The following NAV2 variants were observed in gnomAD, a reference collection of about 807,000 sequenced individuals.
The protein encoded by NAV2 is neuron navigator 2, also known as helicase, APC down-regulated 1.
Under a neutral mutation model 223.2 loss-of-function variants are expected in NAV2, and 54 were observed. The observed-to-expected ratio is 0.24, with a 90% CI of 0.19 to 0.30. The LOEUF is 0.30. NAV2 is among the 10% of genes least tolerant of loss of function. NAV2 has a pLI of 1.00. For synonymous variants in NAV2, 1,279 were observed against 1,239.3 expected, an observed-to-expected ratio of 1.03 and a Z score of -0.67; for missense variants, 2,806 against 3,147.5, an observed-to-expected ratio of 0.89 and a Z score of 2.60.
intron 1 of NAV2, among the ~76,000 whole-genome samples, chr11:19,634,613 C>T (rs1174990094): frequency 6.6e-6 from 1 of 152,178 alleles, no homozygotes; most frequent in Non-Finnish European, 1.5e-5. Flanking sequence ...AACTGCTACT[C>T]TTGGAAGGGA....
chr11:19,488,883 A>C (rs1376121347), intron 1 of NAV2, among the ~76,000 whole-genome samples: 1 of 152,180 alleles, frequency 6.6e-6, no homozygotes, highest in Non-Finnish European at 1.5e-5. Context: ...ATGCCTACTG[A>C]CAGGTCTTCC....
chr11:19,955,684 T>A (rs935715066), intron 10 of NAV2, among the ~76,000 whole-genome samples: 8 of 152,138 alleles, frequency 5.3e-5, no homozygotes, highest in African/African-American at 1.9e-4. Context: ...GGGACAAATG[T>A]GTGAGGTATT....
At chr11:20,115,526 G>A (rs2062990419) in intron 37 of NAV2, among the ~76,000 whole-genome samples, 1 of 150,992 alleles carries the variant, frequency 6.6e-6, no homozygotes, top group African/African-American at 2.4e-5. Context: ...CAGCTACTCG[G>A]GAGGCTGAGG....
At chr11:20,094,526 C>G (rs559254806) in intron 29 of NAV2, among the ~76,000 whole-genome samples, 1 of 152,270 alleles carries the variant, frequency 6.6e-6, no homozygotes, top group African/African-American at 2.4e-5. Flanking sequence ...CCACAGCCGG[C>G]TGGGAAACTC....
At chr11:19,810,035 C>T (rs2058765161) in intron 1 of NAV2, among the ~76,000 whole-genome samples, 1 of 152,212 alleles carries the variant, frequency 6.6e-6, no homozygotes, top group Non-Finnish European at 1.5e-5. Flanking sequence ...GTGCAGCCCA[C>T]ACTTAACCTT....
chr11:19,492,418 T>C (rs151252921), intron 1 of NAV2, among the ~76,000 whole-genome samples: 2,831 of 152,210 alleles, frequency 0.019, 43 homozygotes, highest in Non-Finnish European at 0.031. Flanking sequence ...TATCAGCATG[T>C]GTCTGAAAGA....
chr11:19,842,751 C>T lies in NAV2; in HGVS notation c.386-120C>T, dbSNP rs1352830295. The stretch of plus-strand genomic sequence containing the variant: ...TGTGTCTCAGTATTTCACATGCCTG[C>T]ACTGATTGGACAAACCCTGGTATGG... On this transcript the variant is annotated intron_variant, in intron 2 of 37. Coordinates refer to ENST00000349880, the MANE Select transcript of NAV2 (RefSeq NM_145117.5). 1.2e-5 allele frequency: 10 copies of T among 800,334 alleles called. No homozygotes were observed. In the African/African-American group the frequency reaches 1.5e-4, roughly 12 times the overall value. The allele number at this position is 800,334 out of a possible 1,614,324, so 49.6% of individuals were successfully genotyped here.
intron 1 of NAV2, among the ~76,000 whole-genome samples, chr11:19,565,667 AATT>A (rs1160439429): frequency 6.6e-6 from 1 of 152,184 alleles, no homozygotes; most frequent in East Asian, 1.9e-4. Flanking sequence ...TTTCCACAGA[AATT>A]AATGCCAGTA....
intron 32 of NAV2, among the ~76,000 whole-genome samples, chr11:20,102,422 C>T (rs559829133): frequency 9.9e-5 from 15 of 152,186 alleles, no homozygotes; most frequent in South Asian, 6.2e-4. Context: ...GACCCATGCC[C>T]GCTGCTTACC....
intron 1 of NAV2, among the ~76,000 whole-genome samples, chr11:19,629,840 C>T (rs893958765): frequency 7.9e-5 from 12 of 152,334 alleles, no homozygotes; most frequent in Admixed American, 7.8e-4. Flanking sequence ...GTGCCTCACC[C>T]TGGAATGGCC....
intron 1 of NAV2, among the ~76,000 whole-genome samples, chr11:19,828,582 G>A (rs555596456): frequency 6.6e-6 from 1 of 152,366 alleles, no homozygotes; most frequent in Non-Finnish European, 1.5e-5. Flanking sequence ...TTGACCTACA[G>A]GGCTCAGGTG....
At chr11:19,820,702 A>T (rs2059324490) in intron 1 of NAV2, among the ~76,000 whole-genome samples, 2 of 152,210 alleles carry the variant, frequency 1.3e-5, no homozygotes, top group Admixed American at 6.5e-5. Flanking sequence ...CCTGTTTTCC[A>T]GTATGTAAAA....
At chr11:19,730,981 T>A (rs1372772775) in intron 1 of NAV2, among the ~76,000 whole-genome samples, 1 of 152,272 alleles carries the variant, frequency 6.6e-6, no homozygotes, top group Non-Finnish European at 1.5e-5. Context: ...AGATATGAGT[T>A]CATTTTGTGG....
chr11:19,878,135 T>C (rs2062971728), intron 4 of NAV2, among the ~76,000 whole-genome samples: 1 of 152,216 alleles, frequency 6.6e-6, no homozygotes, highest in African/African-American at 2.4e-5. Context: ...TCCTGACTTG[T>C]CCACATCAGT....
In NAV2 at chr11:19,857,942, C is replaced by T. The variant is rs551763630; in HGVS notation, c.439-10983C>T. 5.9e-5 allele frequency among the ~76,000 whole-genome samples: 9 copies of T among 152,266 alleles called. No individual in the cohort carries two copies. The South Asian group carries it at 1.7e-3, about 28-fold the overall frequency. ...CATGATCTTGGCTCACTGCAAGCTC[C>T]ACCTCCCGGGTTCATGCCATTCTCC... On this transcript the variant is annotated intron_variant, in intron 3 of 37. Coordinates refer to ENST00000349880, the MANE Select transcript of NAV2 (RefSeq NM_145117.5).
At chr11:19,792,805 G>A (rs1396558441) in intron 1 of NAV2, among the ~76,000 whole-genome samples, 3 of 152,078 alleles carry the variant, frequency 2.0e-5, no homozygotes, top group African/African-American at 7.2e-5. Context: ...TGTTCTGGGG[G>A]AGGTTTTAGG....
At chr11:19,601,918 T>C (rs552844296) in intron 1 of NAV2, among the ~76,000 whole-genome samples, 3 of 152,292 alleles carry the variant, frequency 2.0e-5, no homozygotes, top group Non-Finnish European at 4.4e-5. Context: ...TCTGTCCTGC[T>C]CCTCTCTGCA....
chr11:20,070,729 G>A (rs565765966), intron 22 of NAV2, among the ~76,000 whole-genome samples: 195 of 152,206 alleles, frequency 1.3e-3, no homozygotes, highest in African/African-American at 4.4e-3. Flanking sequence ...TGTTTTCCCT[G>A]GGAATGTGAG....
At chr11:19,657,163 A>G (rs147305634) in intron 1 of NAV2, among the ~76,000 whole-genome samples, 5 of 152,222 alleles carry the variant, frequency 3.3e-5, no homozygotes, top group East Asian at 3.9e-4. Context: ...CCTAGAAAGT[A>G]TGGATAGAGA....
Sources: gnomAD v4.1 joint callset for allele counts (sites outside exome capture counted in the v4.1 genomes callset) on GRCh38, gnomAD v4.1.1 for gene constraint, MANE v1.5 for transcripts, NCBI Gene and HGNC (gene_info 2026-07-23, HGNC 2026-07-21) for gene names.